The following JAK2 variants were observed in gnomAD, a reference collection of about 807,000 sequenced individuals.
The protein encoded by JAK2 is Janus kinase 2.
Under a neutral mutation model 139.3 loss-of-function variants are expected in JAK2, and 86 were observed. That is an observed-to-expected ratio of 0.62 (90% CI 0.52 to 0.74). The LOEUF (loss-of-function observed/expected upper bound fraction) is 0.74. Ranked by LOEUF, JAK2 falls within the 30% of genes least tolerant of loss-of-function variation. The pLI is 0.00. For synonymous variants in JAK2, 490 were observed against 437.7 expected, an observed-to-expected ratio of 1.12 and a Z score of -1.49; for missense variants, 1,421 against 1,360.3, an observed-to-expected ratio of 1.04 and a Z score of -0.70.
chr9:5,071,606 A>C lies in JAK2; in HGVS notation c.1642-886A>C, dbSNP rs79082561. 2.3e-3 allele frequency among the ~76,000 whole-genome samples: 349 copies of C among 152,326 alleles called. 12 individuals carry two copies. The East Asian group carries it at 0.055, about 24-fold the overall frequency. ...ACCTCAAGACAGATCTGAAGAAATTAAGAATGCAGCAGTTAGGGAGAAAGA... is the reference window on the plus strand; with the variant it reads ...ACCTCAAGACAGATCTGAAGAAATTCAGAATGCAGCAGTTAGGGAGAAAGA... On this transcript the variant is annotated intron_variant, in intron 12 of 24. Coordinates refer to ENST00000381652, the MANE Select transcript of JAK2 (RefSeq NM_004972.4).
intron 22 of JAK2, among the ~76,000 whole-genome samples, chr9:5,118,515 G>A (rs181687737): frequency 3.3e-5 from 5 of 152,218 alleles, no homozygotes; most frequent in African/African-American, 9.6e-5. Flanking sequence ...TAACAAATTT[G>A]GATAATTGCT....
rs1820497314 is a variant in JAK2 at position 5,090,554 on chromosome 9, C to T, written c.2870C>T (p.Thr957Ile). The change falls in exon 21 of 25, where the codon ACA becomes ATA. Residue 957 changes from threonine (T) to isoleucine (I), a missense_variant. Coordinates refer to ENST00000381652, the MANE Select transcript of JAK2 (RefSeq NM_004972.4). ...RIDHIKLLQY[T>I]SQICKGMEYL... ...GATCACATAAAACTTCTGCAGTACA[C>T]ATCTCAGATATGCAAGGTAACTAAT... 8 of 1,582,546 alleles carry T rather than the reference C, an allele frequency of 5.1e-6. No homozygotes were observed. The highest frequency in any genetic ancestry group is 4.8e-5 in the South Asian group (4 of 84,122).
chr9:5,048,434 C>T (rs1286667090), intron 5 of JAK2, among the ~76,000 whole-genome samples: 2 of 152,170 alleles, frequency 1.3e-5, no homozygotes, highest in East Asian at 3.8e-4. Flanking sequence ...AGCCACTGCA[C>T]CCAGCCCATC....
chr9:5,077,509 A>G lies in JAK2; in HGVS notation c.1921A>G (p.Asn641Asp), dbSNP rs1819382679. ...ATCACTAGATACATATCTGAAAAAG[A>G]ATAAAAATTGTATAAATATATTATG... ...FGSLDTYLKK[N>D]KNCINILWKL... is the part of the protein sequence containing the mutation. Residue 641 changes from asparagine to aspartate, a missense_variant, in exon 15 of 25, where the codon AAT (asparagine) becomes GAT (aspartate). Coordinates refer to ENST00000381652, the MANE Select transcript of JAK2 (RefSeq NM_004972.4). The G allele has an allele frequency of 6.9e-7, 1 of 1,446,270 alleles. No individual in the cohort carries two copies. Among genetic ancestry groups the G allele is most frequent in the Non-Finnish European group, 9.2e-7 (1 of 1,081,438 alleles). 89.6% of individuals were successfully genotyped at this position (1,446,270 alleles called of 1,614,324 possible). A position where few individuals can be genotyped will look rare whatever the true frequency, so the allele number is the denominator to read the frequency against.
intron 22 of JAK2, among the ~76,000 whole-genome samples, chr9:5,120,564 G>A (rs183078417): frequency 2.3e-4 from 35 of 152,260 alleles, no homozygotes; most frequent in African/African-American, 8.2e-4. Flanking sequence ...CTTAAATGTT[G>A]TAAAAAATCG....
intron 4 of JAK2, among the ~76,000 whole-genome samples, chr9:5,037,997 A>T (rs1189256665): frequency 1.3e-5 from 2 of 152,208 alleles, no homozygotes; most frequent in Non-Finnish European, 2.9e-5. Context: ...TAGCGTCACT[A>T]GTTATGAGAA....
intron 4 of JAK2, among the ~76,000 whole-genome samples, chr9:5,038,828 C>G (rs1483261148): frequency 6.6e-6 from 1 of 152,078 alleles, no homozygotes; most frequent in Non-Finnish European, 1.5e-5. Context: ...GGATTTATCC[C>G]AGGAAATACA....
chr9:5,077,478 A>C lies in JAK2; in HGVS notation c.1890A>C (p.Lys630Asn), dbSNP rs775180963. The C allele has an allele frequency of 7.8e-7, 1 of 1,284,578 alleles. No individual in the cohort carries two copies. Among genetic ancestry groups the C allele is most frequent in the South Asian group, 1.8e-5 (1 of 54,382 alleles). The allele number at this position is 1,284,578 out of a possible 1,614,324, so 79.6% of individuals were successfully genotyped here. Residue 630 changes from lysine (K) to asparagine (N), a missense_variant, in exon 15 of 25, where the codon AAA becomes AAC. Lys to Asn is a moderately conservative substitution (Grantham distance 94). Coordinates refer to ENST00000381652, the MANE Select transcript of JAK2 (RefSeq NM_004972.4). The part of the protein sequence containing the change: ...DENILVQEFV[K>N]FGSLDTYLKK... ...ATATTCTGGTTCAGGAGTTTGTAAA[A>C]TTTGGATCACTAGATACATATCTGA...
intron 5 of JAK2, among the ~76,000 whole-genome samples, chr9:5,047,869 G>T (rs1395058570): frequency 6.6e-6 from 1 of 152,042 alleles, no homozygotes; most frequent in African/African-American, 2.4e-5. Flanking sequence ...CCAAAGTGCT[G>T]GGAGTACGAG....
rs1371743120 is a variant in JAK2, at chr9:5,069,096, AAAG to A, written c.1407_1409del (p.Lys469del). On this transcript the variant is annotated inframe_deletion, in exon 11 of 25. Transcript: ENST00000381652. ...ATGAAGAGTACAACCTCAGTGGGAC[AAAG>A]AAGAACTTCAGCAGTCTTAAAGATC... is the stretch of plus-strand genomic sequence containing the variant. 8 of 1,611,794 alleles carry A rather than the reference AAAG, an allele frequency of 5.0e-6. No homozygotes were observed. Among genetic ancestry groups the A allele is most frequent in the African/African-American group, 2.7e-5 (2 of 74,854 alleles).
chr9:5,126,115 T>A (rs1823977206), intron 23 of JAK2: 1 of 402,600 alleles, frequency 2.5e-6, no homozygotes, highest in Non-Finnish European at 4.4e-6. Context: ...TCAGGGGATT[T>A]GTGTTGAGTT....
intron 22 of JAK2, among the ~76,000 whole-genome samples, chr9:5,102,583 G>A (rs564828522): frequency 1.1e-4 from 16 of 152,146 alleles, no homozygotes; most frequent in African/African-American, 2.9e-4. Flanking sequence ...CCCAAGACAC[G>A]TAATTGTCAT....
chr9:5,073,569 A>G (rs1296290861), intron 13 of JAK2, 129 bp from the exon 14 acceptor site: 1 of 720,936 alleles, frequency 1.4e-6, no homozygotes, highest in East Asian at 2.5e-5. Context: ...ACCAAAGCAC[A>G]TTGTATCCTC....
intron 10 of JAK2, among the ~76,000 whole-genome samples, chr9:5,067,655 AAT>A (rs1457051894): frequency 6.6e-6 from 1 of 151,456 alleles, no homozygotes. Context: ...AATTCAAAAA[AAT>A]ATATATATAT....
chr9:5,067,298 C>G (rs7861599), intron 10 of JAK2, among the ~76,000 whole-genome samples: 1 of 151,770 alleles, frequency 6.6e-6, no homozygotes, highest in African/African-American at 2.4e-5. Context: ...ATGCATGTTT[C>G]AACGGTAAAA....
chr9:5,053,343 T>C (rs979380064), intron 6 of JAK2, among the ~76,000 whole-genome samples: 5 of 152,082 alleles, frequency 3.3e-5, no homozygotes, highest in African/African-American at 1.2e-4. Context: ...AATTATTGAG[T>C]TTAGAAAATT....
intron 4 of JAK2, among the ~76,000 whole-genome samples, chr9:5,038,865 T>A (rs1402963336): frequency 6.6e-6 from 1 of 151,992 alleles, no homozygotes. Flanking sequence ...CAAAAATCAA[T>A]CAATGTAATA....
chr9:5,086,038 T>C (rs1459663807), intron 19 of JAK2: 5 of 763,658 alleles, frequency 6.5e-6, no homozygotes, highest in Non-Finnish European at 2.4e-6. Context: ...CAGGCAGGTG[T>C]TAAATGCTTC....
At chr9:5,021,347 A>G (rs1050644118) in intron 2 of JAK2, among the ~76,000 whole-genome samples, 11 of 152,258 alleles carry the variant, frequency 7.2e-5, no homozygotes, top group East Asian at 3.9e-4. Flanking sequence ...TCTTCCCCCA[A>G]TTTGAGATCT....
Sources: gnomAD v4.1 joint callset for allele counts (sites outside exome capture counted in the v4.1 genomes callset) on GRCh38, gnomAD v4.1.1 for gene constraint, MANE v1.5 for transcripts, NCBI Gene and HGNC (gene_info 2026-07-23, HGNC 2026-07-21) for gene names.